Variants in PCDHGB2 observed in about 807,000 individuals in gnomAD.
The protein encoded by PCDHGB2 is protocadherin gamma-B2.
PCDHGB2 carries 55 observed loss-of-function variants against 59.3 expected under a neutral mutation model. The observed-to-expected ratio is 0.93, with a 90% confidence interval of 0.75 to 1.16. PCDHGB2 has a LOEUF of 1.16. PCDHGB2 is among the 50% of genes most tolerant of loss of function. PCDHGB2 has a pLI of 0.00. For synonymous variants in PCDHGB2, 516 were observed against 512.0 expected (o/e 1.01, Z -0.11); for missense variants, 1,228 against 1,198.5 (o/e 1.02, Z -0.36).
chr5:141,422,838 C>T (rs201218542), intron 1 of PCDHGB2: 182 of 1,614,252 alleles, frequency 1.1e-4, no homozygotes, highest in Middle Eastern at 1.6e-4. Context: ...TAGCACGTGA[C>T]AGCGGGGACC....
Position 141,476,292 on chromosome 5 carries a change from G to A in PCDHGB2, c.2422-18515G>A. The A allele has an allele frequency of 1.9e-6, 3 of 1,614,144 alleles. No homozygotes were observed. The highest frequency in any genetic ancestry group is 2.5e-6 in the Non-Finnish European group (3 of 1,180,016). On this transcript the variant is annotated intron_variant, in intron 1 of 3. Transcript: ENST00000522605. This position sits in a 1 kb window ranked among gnomAD's most constrained non-coding sequence, Gnocchi z 7.6. ...GTCGCGAACCTTGGTTTGGATCTCGGTAGCCTCTCAGCCCGCAGGTTCCGG... is the reference window on the plus strand; with the variant it reads ...GTCGCGAACCTTGGTTTGGATCTCGATAGCCTCTCAGCCCGCAGGTTCCGG...
intron 2 of PCDHGB2, among the ~76,000 whole-genome samples, chr5:141,502,124 A>G (rs4912762): frequency 0.55 from 83,213 of 152,012 alleles, 23,486 homozygotes; most frequent in African/African-American, 0.67. Flanking sequence ...CCAGGCCCAC[A>G]GAGCTCAGTC....
Position 141,361,244 on chromosome 5 carries a change from A to C in PCDHGB2, c.1109A>C (p.Lys370Thr). The C allele has an allele frequency of 6.2e-7, 1 of 1,613,994 alleles. No individual in the cohort carries two copies. Among genetic ancestry groups the C allele is most frequent in the Non-Finnish European group, 8.5e-7 (1 of 1,179,886 alleles). Residue 370 changes from lysine to threonine, a missense_variant, in exon 1 of 4, where the codon AAA becomes ACA. Physicochemically the swap from Lys to Thr is moderately conservative, Grantham distance 78. Transcript: ENST00000522605. ...SPPGTVIALI[K>T]TRDRDSGENG... ...CCAGGAACAGTGATCGCCTTGATAA[A>C]AACGAGAGACAGAGACTCTGGAGAA... is the stretch of plus-strand genomic sequence containing the variant.
chr5:141,409,198 A>T, intron 1 of PCDHGB2: 1 of 1,614,010 alleles, frequency 6.2e-7, no homozygotes, highest in South Asian at 1.1e-5. Flanking sequence ...CCCAGTGTAA[A>T]GTAATCATAG....
chr5:141,438,586 A>G (rs949534736), intron 1 of PCDHGB2, among the ~76,000 whole-genome samples: 2 of 56,254 alleles, frequency 3.6e-5, no homozygotes, highest in South Asian at 6.2e-4. Context: ...ATACATACAT[A>G]CATACATATA....
In PCDHGB2 at chr5:141,476,524, T is replaced by C. The variant is rs1350353768; in HGVS notation, c.2422-18283T>C. On this transcript the variant is annotated intron_variant, in intron 1 of 3. Coordinates refer to ENST00000522605, the MANE Select transcript of PCDHGB2 (RefSeq NM_018923.3). The surrounding 1 kb of genome is among the most constrained non-coding windows in gnomAD (Gnocchi z 7.6). ...TCAACGACAACAATCCTGCTTTCCC[T>C]ACCCAGGAAATGAAATTGGAGATTA... 6.2e-7 allele frequency: 1 copy of C among 1,614,182 alleles called. No individual in the cohort carries two copies. Among genetic ancestry groups the C allele is most frequent in the Non-Finnish European group, 8.5e-7 (1 of 1,180,028 alleles).
At position 141,432,119 on chromosome 5, in the gene PCDHGB2, C is replaced by T. The variant is rs1273427353; in HGVS notation, c.2422-62688C>T. On this transcript the variant is annotated intron_variant, in intron 1 of 3. Transcript: ENST00000522605. The surrounding 1 kb of genome is among the most constrained non-coding windows in gnomAD (Gnocchi z 6.0). ...CAACGACAACCCGCCGGTCTTCCCT[C>T]AGGCCTCCTATTCCGCTTATATCCC... is the stretch of plus-strand genomic sequence containing the variant. 7 of 1,614,184 alleles carry T rather than the reference C, an allele frequency of 4.3e-6. No homozygotes were observed. Among genetic ancestry groups the T allele is most frequent in the Non-Finnish European group, 5.9e-6 (7 of 1,180,032 alleles).
intron 1 of PCDHGB2, chr5:141,411,430 A>C (rs918915726): frequency 6.6e-6 from 1 of 151,188 alleles, no homozygotes; most frequent in Admixed American, 6.6e-5. Context: ...CAACAAAAAA[A>C]AACATTAGCA....
chr5:141,489,635 G>T lies in PCDHGB2; in HGVS notation c.2422-5172G>T, dbSNP rs1380466520. On this transcript the variant is annotated intron_variant, in intron 1 of 3. Coordinates refer to ENST00000522605, the MANE Select transcript of PCDHGB2 (RefSeq NM_018923.3). This position sits in a 1 kb window ranked among gnomAD's most constrained non-coding sequence, Gnocchi z 4.5. ...CTGGATCTCAATGACAACTCTCCTA[G>T]CTTTGCCACCCCTGAGCGAGAGATG... 1.2e-6 allele frequency: 2 copies of T among 1,614,024 alleles called. No homozygotes were observed. The highest frequency in any genetic ancestry group is 2.7e-5 in the African/African-American group (2 of 74,908).
chr5:141,423,488 ATTC>A, intron 1 of PCDHGB2: 1 of 1,613,954 alleles, frequency 6.2e-7, no homozygotes, highest in Non-Finnish European at 8.5e-7. Flanking sequence ...CTGCAAACCT[ATTC>A]CCACGAGGTC....
At position 141,375,795 on chromosome 5, in the gene PCDHGB2, G is replaced by T. The variant is rs765881835; in HGVS notation, c.2421+13239G>T. Reference sequence around the variant, plus strand: ...CTGTACCCCGCCCTCCCCACAGACGGTTCCACTGGCGTGGAGCTGGCGCCC... The same window carrying T: ...CTGTACCCCGCCCTCCCCACAGACGTTTCCACTGGCGTGGAGCTGGCGCCC... On this transcript the variant is annotated intron_variant, in intron 1 of 3. Coordinates refer to ENST00000522605, the MANE Select transcript of PCDHGB2 (RefSeq NM_018923.3). 4 of 1,614,218 alleles carry T rather than the reference G, an allele frequency of 2.5e-6. No individual in the cohort carries two copies. The South Asian group carries it at 3.3e-5, about 13-fold the overall frequency.
At chr5:141,464,838 A>G (rs2099091245) in intron 1 of PCDHGB2, among the ~76,000 whole-genome samples, 1 of 152,182 alleles carries the variant, frequency 6.6e-6, no homozygotes, top group African/African-American at 2.4e-5. Context: ...TCCTGGGCTC[A>G]AGCAATCCTC....
intron 1 of PCDHGB2, among the ~76,000 whole-genome samples, chr5:141,483,613 C>A (rs2099583607): frequency 6.6e-6 from 1 of 151,914 alleles, no homozygotes; most frequent in South Asian, 2.1e-4. Context: ...ACACCTCCAT[C>A]ATTCCCATGG....
intron 1 of PCDHGB2, chr5:141,403,199 A>AC (rs1480420470): frequency 6.2e-7 from 1 of 1,613,812 alleles, no homozygotes; most frequent in African/African-American, 1.3e-5. Flanking sequence ...GCGCAGCGGC[A>AC]CCTTGGTCAC....
intron 1 of PCDHGB2, among the ~76,000 whole-genome samples, chr5:141,407,446 C>T (rs1314408901): frequency 6.7e-6 from 1 of 149,410 alleles, no homozygotes. Context: ...AACCAGAACA[C>T]GAGGCTCACC....
At chr5:141,364,982 G>A (rs745559474) in intron 1 of PCDHGB2, 1 of 1,613,868 alleles carries the variant, frequency 6.2e-7, no homozygotes, top group South Asian at 1.1e-5. Flanking sequence ...TTTAGATGGC[G>A]GAGACCCGGT....
At position 141,394,145 on chromosome 5, in the gene PCDHGB2, C is replaced by T. The variant is rs754958885; in HGVS notation, c.2421+31589C>T. The T allele has an allele frequency of 3.7e-6, 6 of 1,613,962 alleles. No homozygotes were observed. The East Asian group carries it at 8.9e-5, about 24-fold the overall frequency. On this transcript the variant is annotated intron_variant, in intron 1 of 3. Transcript: ENST00000522605. ...CTCAAATCGCTCTGCACGTGGCAGA[C>T]ATTAACGACAACCCTCCTACTTTCC...
rs909174523 is a variant in PCDHGB2 at position 141,474,102 on chromosome 5, A to AAAC, written c.2422-20695_2422-20693dup. 2.6e-5 allele frequency among the ~76,000 whole-genome samples: 4 copies of AAAC among 152,286 alleles called. No homozygotes were observed. In the East Asian group the frequency reaches 7.7e-4, roughly 29 times the overall value. ...AAAACCAAAAAACAAACAACAACAA[A>AAAC]AACAACAACAACGAAAATCTCAGAA... is the stretch of plus-strand genomic sequence containing the variant. On this transcript the variant is annotated intron_variant, in intron 1 of 3. Coordinates refer to ENST00000522605, the MANE Select transcript of PCDHGB2 (RefSeq NM_018923.3).
At chr5:141,421,979 G>C in intron 1 of PCDHGB2, 1 of 1,609,702 alleles carries the variant, frequency 6.2e-7, no homozygotes, top group Non-Finnish European at 8.5e-7. Flanking sequence ...TATCGCGTGA[G>C]TGTTCCAGAA....
Sources: gnomAD v4.1 joint callset for allele counts (sites outside exome capture counted in the v4.1 genomes callset) on GRCh38, gnomAD v4.1.1 for gene constraint, Gnocchi (gnomAD v3.1) non-coding constraint, MANE v1.5 for transcripts, NCBI Gene and HGNC (gene_info 2026-07-23, HGNC 2026-07-21) for gene names.